ATAD3A: variants seen among roughly 807,000 people sequenced by gnomAD.
ATAD3A encodes the protein ATPase family AAA domain containing 3A.
In ATAD3A, 46 loss-of-function variants were observed where a neutral mutation model predicts 73.8. The observed-to-expected ratio is 0.62, with a 90% CI of 0.49 to 0.80. ATAD3A has a LOEUF of 0.80. Ranked by LOEUF, ATAD3A falls within the 30% of genes least tolerant of loss-of-function variation. The pLI, the probability that ATAD3A is intolerant of heterozygous loss-of-function variation, is 0.00. For missense variants in ATAD3A, 705 were observed against 838.0 expected, an observed-to-expected ratio of 0.84 and a Z score of 1.96; for synonymous variants, 319 against 350.0, an observed-to-expected ratio of 0.91 and a Z score of 0.99.
At chr1:1,514,542 C>T (rs1248669522) in intron 1 of ATAD3A, among the ~76,000 whole-genome samples, 2 of 152,204 alleles carry the variant, frequency 1.3e-5, no homozygotes, top group South Asian at 2.1e-4. Flanking sequence ...AAGGCGCTTC[C>T]TGAAATCTGA....
intron 7 of ATAD3A, 122 bp from the exon 8 acceptor site, chr1:1,522,622 C>CA: frequency 1.3e-6 from 2 of 1,516,198 alleles, no homozygotes; most frequent in South Asian, 2.6e-5. Flanking sequence ...CCTGTGGGGC[C>CA]AGTGCACGGC....
chr1:1,523,653 T>C lies in ATAD3A; in HGVS notation c.963+86T>C. 2 of 1,602,700 alleles carry C rather than the reference T, an allele frequency of 1.2e-6. No homozygotes were observed. Among genetic ancestry groups the C allele is most frequent in the Non-Finnish European group, 1.7e-6 (2 of 1,174,346 alleles). On this transcript the variant is annotated intron_variant, in intron 9 of 15. Transcript: ENST00000378756. The surrounding 1 kb of genome is among the most constrained non-coding windows in gnomAD (Gnocchi z 5.1). Reference sequence around the variant, plus strand: ...CTGTGGCCCTTGCTGGCGCTCGTGGTGGCACCCAGGAGCTTTTGGGTCCTG... The same window carrying C: ...CTGTGGCCCTTGCTGGCGCTCGTGGCGGCACCCAGGAGCTTTTGGGTCCTG...
Position 1,523,358 on chromosome 1 carries a change from C to T in ATAD3A, c.907-153C>T, listed in dbSNP as rs561731961. 6.6e-6 allele frequency among the ~76,000 whole-genome samples: 1 copy of T among 152,186 alleles called. No individual in the cohort carries two copies. The highest frequency in any genetic ancestry group is 2.4e-5 in the African/African-American group (1 of 41,448). The stretch of plus-strand genomic sequence containing the variant: ...AATCCCAGCAATAGCCGCCTGGTCT[C>T]CGGGCGGGGCAGGGTTCCAGCTCCG... On this transcript the variant is annotated intron_variant, in intron 8 of 15. Coordinates refer to ENST00000378756, the MANE Select transcript of ATAD3A (RefSeq NM_001170535.3). The surrounding 1 kb of genome is among the most constrained non-coding windows in gnomAD (Gnocchi z 5.1).
intron 14 of ATAD3A, 74 bp from the exon 15 acceptor site, chr1:1,529,149 C>T: frequency 1.9e-6 from 3 of 1,578,522 alleles, no homozygotes; most frequent in Non-Finnish European, 2.6e-6. Flanking sequence ...GGCCTCGCTG[C>T]CTGTCTTCCG....
Position 1,520,097 on chromosome 1 carries a change from C to T in ATAD3A, c.515-44C>T, listed in dbSNP as rs3128349. 0.02 allele frequency: 31,035 copies of T among 1,553,914 alleles called. 1,151 individuals carry two copies. Among genetic ancestry groups the T allele is most frequent in the African/African-American group, 0.11 (7,756 of 71,178 alleles). ...TCCACAGTGTGGGTGGAGGTGGACG[C>T]GCTGCACTGCATGGTGCTGAGCTGC... On this transcript the variant is annotated intron_variant, in intron 5 of 15. Transcript: ENST00000378756. This position sits in a 1 kb window ranked among gnomAD's most constrained non-coding sequence, Gnocchi z 4.0.
rs1354639900 is a variant in ATAD3A at position 1,534,188 on chromosome 1, G to T, written c.*116G>T. On this transcript the variant is annotated 3_prime_UTR_variant, in exon 16 of 16. Transcript: ENST00000378756. ...TGGGTGGGGACTGGGCTGTGCCCAG[G>T]GCCTCTGTCCCCCAGGATGTCTTGT... is the stretch of plus-strand genomic sequence containing the variant. 3.2e-6 allele frequency: 5 copies of T among 1,565,108 alleles called. No individual in the cohort carries two copies. The highest frequency in any genetic ancestry group is 4.3e-6 in the Non-Finnish European group (5 of 1,155,782).
At chr1:1,518,586 C>T (rs1305095798) in intron 4 of ATAD3A, among the ~76,000 whole-genome samples, 8 of 137,806 alleles carry the variant, frequency 5.8e-5, no homozygotes, top group South Asian at 2.4e-4. Flanking sequence ...CACACACACC[C>T]GCACATGGGC....
At chr1:1,525,569 C>T (rs1309707415) in intron 12 of ATAD3A, among the ~76,000 whole-genome samples, 1 of 152,028 alleles carries the variant, frequency 6.6e-6, no homozygotes. Context: ...CTCCCGCCAC[C>T]ACACCTGGCT....
chr1:1,528,307 T>G (rs1641919034), intron 14 of ATAD3A, among the ~76,000 whole-genome samples: 1 of 152,208 alleles, frequency 6.6e-6, no homozygotes, highest in South Asian at 2.1e-4. Flanking sequence ...TGAGGAAATC[T>G]TGTGCTCGGC....
At position 1,524,229 on chromosome 1, in the gene ATAD3A, C is replaced by T. The variant is rs369848367; in HGVS notation, c.1090-44C>T. 1.0e-4 allele frequency: 168 copies of T among 1,613,568 alleles called. 1 individual carries two copies. In the African/African-American group the frequency reaches 1.8e-3, roughly 17 times the overall value. On this transcript the variant is annotated intron_variant, in intron 10 of 15. Coordinates refer to ENST00000378756, the MANE Select transcript of ATAD3A (RefSeq NM_001170535.3). The stretch of plus-strand genomic sequence containing the variant: ...GTGGAGTGTGCAGGCTTTGCAGAGG[C>T]GGAGGGAACATCTGCTCTGTCTCCC...
At chr1:1,516,505 T>A (rs1295311906) in intron 2 of ATAD3A, among the ~76,000 whole-genome samples, 2 of 152,122 alleles carry the variant, frequency 1.3e-5, no homozygotes, top group Non-Finnish European at 2.9e-5. Context: ...CCTCCGCTCC[T>A]GGGTTCAAGC....
At chr1:1,526,640 C>T in intron 13 of ATAD3A, 109 bp downstream of exon 13, 6 of 1,566,100 alleles carry the variant, frequency 3.8e-6, no homozygotes, top group Non-Finnish European at 5.2e-6. Context: ...TGGGCAGCTG[C>T]CGTGGCCTCA....
chr1:1,521,321 A>C (rs1230734751), intron 7 of ATAD3A, among the ~76,000 whole-genome samples: 1 of 149,294 alleles, frequency 6.7e-6, no homozygotes, highest in Admixed American at 6.6e-5. Context: ...AAAAAAAAAA[A>C]AAAAAAAACC....
At chr1:1,514,147 G>A (rs192523565) in intron 1 of ATAD3A, among the ~76,000 whole-genome samples, 2 of 152,256 alleles carry the variant, frequency 1.3e-5, no homozygotes, top group African/African-American at 2.4e-5. Flanking sequence ...TCTAATAACC[G>A]AGAGGCCACA....
chr1:1,522,724 G>T lies in ATAD3A; in HGVS notation c.751-20G>T. 4.3e-6 allele frequency: 7 copies of T among 1,611,640 alleles called. No individual in the cohort carries two copies. Among genetic ancestry groups the T allele is most frequent in the Non-Finnish European group, 5.9e-6 (7 of 1,179,516 alleles). On this transcript the variant is annotated intron_variant, in intron 7 of 15. Coordinates refer to ENST00000378756, the MANE Select transcript of ATAD3A (RefSeq NM_001170535.3). ...AGGGACGGTGGGGGCCGGTGCGCCA[G>T]TGCGGTGTCTCTGCTGCAGGTGGCT... is the stretch of plus-strand genomic sequence containing the variant.
At chr1:1,525,709 C>T (rs902315658) in intron 12 of ATAD3A, among the ~76,000 whole-genome samples, 9 of 151,718 alleles carry the variant, frequency 5.9e-5, no homozygotes, top group South Asian at 4.2e-4. Flanking sequence ...CCACCACGCC[C>T]AGCCTTTTAA....
chr1:1,522,775 T>G lies in ATAD3A; in HGVS notation c.782T>G (p.Val261Gly), dbSNP rs1296676000. The change falls in exon 8 of 16, where the codon GTC (valine) becomes GGC (glycine). Residue 261 changes from valine (V) to glycine (G), a missense_variant. Val to Gly is a moderately radical substitution (Grantham distance 109). This residue lies in a region of ATAD3A where 315 missense variants were observed against 334.1 expected (regional missense o/e 0.94). Transcript: ENST00000378756. ...VAGLTLLAVG[V>G]YSAKNATLVA... ...GGGCTGACGCTGCTGGCTGTTGGGG[T>G]CTACTCAGCCAAGAATGCCACGCTT... is the stretch of plus-strand genomic sequence containing the variant. 6.2e-7 allele frequency: 1 copy of G among 1,611,348 alleles called. No individual in the cohort carries two copies.
At chr1:1,515,874 A>T in intron 1 of ATAD3A, 138 bp from the exon 2 acceptor site, 2 of 847,796 alleles carry the variant, frequency 2.4e-6, no homozygotes, top group South Asian at 3.2e-5. Context: ...ACTAGGAAGG[A>T]GGATGGGGAG....
chr1:1,516,237 A>T, intron 2 of ATAD3A, 149 bp downstream of exon 2: 1 of 1,316,174 alleles, frequency 7.6e-7, no homozygotes, highest in Non-Finnish European at 1.0e-6. Flanking sequence ...CTCATTTCAC[A>T]GAAGGAAACA....
Sources: allele counts gnomAD v4.1 joint callset (sites outside exome capture counted in the v4.1 genomes callset), GRCh38; gene constraint gnomAD v4.1.1; regional missense constraint gnomAD v4.1.1; non-coding constraint Gnocchi (gnomAD v3.1); transcripts MANE v1.5; gene names NCBI Gene and HGNC (gene_info 2026-07-23, HGNC 2026-07-21).